Variants in INPP5D observed in about 807,000 individuals in gnomAD.
INPP5D encodes the protein inositol polyphosphate-5-phosphatase D.
INPP5D carries 33 observed loss-of-function variants against 122.9 expected under a neutral mutation model. The observed-to-expected ratio is 0.27, with a 90% CI of 0.20 to 0.36. The LOEUF is 0.36. Ranked by LOEUF, INPP5D falls within the 10% of genes least tolerant of loss-of-function variation. The pLI is 1.00. For missense variants in INPP5D, 1,053 were observed against 1,412.7 expected (o/e 0.75, Z 4.08); for synonymous variants, 584 against 576.2 (o/e 1.01, Z -0.19).
intron 2 of INPP5D, among the ~76,000 whole-genome samples, chr2:233,115,508 C>G (rs531351808): frequency 6.6e-6 from 1 of 152,314 alleles, no homozygotes; most frequent in Non-Finnish European, 1.5e-5. Context: ...CCTGAGCCTC[C>G]AGCAGTCTGG....
At position 233,091,286 on chromosome 2, in the gene INPP5D, G is replaced by A. The variant is rs77827509; in HGVS notation, c.198+11888G>A. Among the ~76,000 whole-genome samples the A allele has an allele frequency of 1.5e-3, 231 of 152,246 alleles. 5 individuals carry two copies. The East Asian group carries it at 0.038, about 25-fold the overall frequency. On this transcript the variant is annotated intron_variant, in intron 2 of 26. Coordinates refer to ENST00000445964, the MANE Select transcript of INPP5D (RefSeq NM_001017915.3). Reference sequence around the variant, plus strand: ...CTGTTTTTTCTTCATAGCCCTTATCGCTGTCTGCAAGGGGATTTGTCTCCA... The same window carrying A: ...CTGTTTTTTCTTCATAGCCCTTATCACTGTCTGCAAGGGGATTTGTCTCCA...
chr2:233,147,035 A>G (rs1693780366), intron 8 of INPP5D, among the ~76,000 whole-genome samples: 1 of 152,158 alleles, frequency 6.6e-6, no homozygotes, highest in African/African-American at 2.4e-5. Flanking sequence ...GAGCATGCCT[A>G]CGCAACTGTT....
intron 1 of INPP5D, among the ~76,000 whole-genome samples, chr2:233,067,737 A>G (rs914875507): frequency 6.6e-6 from 1 of 152,164 alleles, no homozygotes; most frequent in Non-Finnish European, 1.5e-5. Context: ...GTGGGTGTGA[A>G]GTGATGTCTT....
chr2:233,069,248 T>C (rs936645621), intron 1 of INPP5D, among the ~76,000 whole-genome samples: 2 of 152,202 alleles, frequency 1.3e-5, no homozygotes, highest in African/African-American at 4.8e-5. Flanking sequence ...AGAGATCATT[T>C]GGGACCTCCC....
intron 26 of INPP5D, chr2:233,205,343 CAAAAAAAAAAAA>C (rs756138155): frequency 1.8e-5 from 2 of 112,958 alleles, no homozygotes; most frequent in Non-Finnish European, 3.6e-5. Context: ...GACTCCGTCT[CAAAAAAAAAAAA>C]AAAAAAAAAT....
intron 23 of INPP5D, among the ~76,000 whole-genome samples, chr2:233,195,140 T>G (rs1695149160): frequency 6.6e-6 from 1 of 152,194 alleles, no homozygotes; most frequent in African/African-American, 2.4e-5. Context: ...TTTTGTTTCT[T>G]GCTGAGACCA....
chr2:233,187,831 C>T (rs1364283965), intron 21 of INPP5D, among the ~76,000 whole-genome samples: 1 of 152,206 alleles, frequency 6.6e-6, no homozygotes, highest in Non-Finnish European at 1.5e-5. Context: ...TGCTCCTCCT[C>T]CCTGGCTGCT....
At chr2:233,061,402 G>T (rs1264385469) in intron 1 of INPP5D, among the ~76,000 whole-genome samples, 2 of 152,044 alleles carry the variant, frequency 1.3e-5, no homozygotes, top group African/African-American at 2.4e-5. Flanking sequence ...GCAGCTCTCG[G>T]TCTAATCATA....
chr2:233,072,295 C>T (rs1391412278), intron 1 of INPP5D, among the ~76,000 whole-genome samples: 2 of 152,014 alleles, frequency 1.3e-5, no homozygotes, highest in Non-Finnish European at 2.9e-5. Flanking sequence ...ATATTATACC[C>T]CTTATTTCAT....
chr2:233,189,827 G>A lies in INPP5D; in HGVS notation c.2359-23G>A, dbSNP rs1405064731. On this transcript the variant is annotated intron_variant, in intron 21 of 26. Transcript: ENST00000445964. The surrounding 1 kb of genome is among the most constrained non-coding windows in gnomAD (Gnocchi z 5.6). ...ACCTGTCCCTTGCCCATCAACTCCA[G>A]TCCTGTGCCCTTCTCTCTGCAGCTG... is the stretch of plus-strand genomic sequence containing the variant. 1.2e-6 allele frequency: 2 copies of A among 1,611,592 alleles called. No homozygotes were observed. Among genetic ancestry groups the A allele is most frequent in the Admixed American group, 3.3e-5 (2 of 59,718 alleles).
At chr2:233,166,250 G>A (rs866711220) in intron 13 of INPP5D, among the ~76,000 whole-genome samples, 1 of 152,126 alleles carries the variant, frequency 6.6e-6, no homozygotes, top group Non-Finnish European at 1.5e-5. Context: ...GAATATGCTC[G>A]GACCTCCTAG....
At chr2:233,149,430 C>T (rs767497178) in intron 9 of INPP5D, among the ~76,000 whole-genome samples, 3 of 152,058 alleles carry the variant, frequency 2.0e-5, no homozygotes, top group Non-Finnish European at 4.4e-5. Context: ...GTCGTATGCA[C>T]TAAGTATGGG....
intron 2 of INPP5D, among the ~76,000 whole-genome samples, chr2:233,088,645 G>A (rs1691913037): frequency 6.6e-6 from 1 of 152,202 alleles, no homozygotes; most frequent in African/African-American, 2.4e-5. Context: ...TGCAGCTCAT[G>A]TCTGACACGT....
chr2:233,085,294 G>A (rs1691800161), intron 2 of INPP5D, among the ~76,000 whole-genome samples: 1 of 152,020 alleles, frequency 6.6e-6, no homozygotes, highest in Middle Eastern at 3.2e-3. Flanking sequence ...GCTGAGGTGG[G>A]AGGATCGCTT....
intron 2 of INPP5D, among the ~76,000 whole-genome samples, chr2:233,092,625 G>C (rs1409760793): frequency 6.6e-6 from 1 of 152,162 alleles, no homozygotes; most frequent in Non-Finnish European, 1.5e-5. Context: ...CTTTGCTTGG[G>C]GTGAGAAGGA....
chr2:233,085,913 G>A (rs1691816571), intron 2 of INPP5D, among the ~76,000 whole-genome samples: 1 of 152,068 alleles, frequency 6.6e-6, no homozygotes, highest in African/African-American at 2.4e-5. Flanking sequence ...GAGCCTTCTG[G>A]TTCACCTTGC....
intron 3 of INPP5D, 146 bp from the exon 4 acceptor site, chr2:233,125,599 C>T: frequency 1.4e-6 from 1 of 733,476 alleles, no homozygotes; most frequent in Non-Finnish European, 2.2e-6. Flanking sequence ...GAGGCTCTCC[C>T]TCCAGGAGGG....
intron 2 of INPP5D, among the ~76,000 whole-genome samples, chr2:233,096,730 TTC>T (rs765715644): frequency 2.0e-5 from 3 of 152,350 alleles, no homozygotes; most frequent in South Asian, 4.1e-4. Context: ...CCTATTTATA[TTC>T]TTTTTCCATT....
At chr2:233,096,006 T>C (rs929910300) in intron 2 of INPP5D, among the ~76,000 whole-genome samples, 1 of 152,258 alleles carries the variant, frequency 6.6e-6, no homozygotes, top group East Asian at 1.9e-4. Flanking sequence ...ATGCATCTTT[T>C]GTGCTTTTTA....
Sources: allele counts gnomAD v4.1 joint callset (sites outside exome capture counted in the v4.1 genomes callset), GRCh38; gene constraint gnomAD v4.1.1; non-coding constraint Gnocchi (gnomAD v3.1); transcripts MANE v1.5; gene names NCBI Gene and HGNC (gene_info 2026-07-23, HGNC 2026-07-21).